FIG4: variants seen among roughly 807,000 people sequenced by gnomAD.
FIG4 encodes FIG4 phosphoinositide 5-phosphatase.
In FIG4, 112 loss-of-function variants were observed where a neutral mutation model predicts 118.6. That is an observed-to-expected ratio of 0.94 (90% CI 0.81 to 1.11). The LOEUF is 1.11. Among genes scored for constraint, FIG4 ranks in the 50% least tolerant of loss-of-function variants. The pLI is 0.00. For synonymous variants in FIG4, 369 were observed against 381.2 expected, an observed-to-expected ratio of 0.97 and a Z score of 0.37; for missense variants, 969 against 1,111.7, an observed-to-expected ratio of 0.87 and a Z score of 1.83.
chr6:109,824,741 A>C (rs982251606), intron 22 of FIG4, among the ~76,000 whole-genome samples: 1 of 152,208 alleles, frequency 6.6e-6, no homozygotes, highest in Non-Finnish European at 1.5e-5. Context: ...TGTGCCAAGG[A>C]AAAAGAGCAA....
intron 1 of FIG4, among the ~76,000 whole-genome samples, chr6:109,703,414 C>G (rs976122262): frequency 2.0e-5 from 3 of 152,112 alleles, no homozygotes; most frequent in African/African-American, 7.2e-5. Flanking sequence ...TTTGGAGGTT[C>G]TATTGTGTAA....
chr6:109,786,259 TATA>T, intron 17 of FIG4, 40 bp from the exon 18 acceptor site: 1 of 1,563,978 alleles, frequency 6.4e-7, no homozygotes, highest in Non-Finnish European at 8.8e-7. Context: ...GTTTGCTTGC[TATA>T]ATCTCAGACT....
chr6:109,812,979 T>C (rs751630812), intron 22 of FIG4, among the ~76,000 whole-genome samples: 3 of 152,236 alleles, frequency 2.0e-5, no homozygotes. Context: ...AGAATTTCAT[T>C]ATCTTTGGTG....
chr6:109,803,758 G>T (rs1177822637), intron 22 of FIG4, among the ~76,000 whole-genome samples: 1 of 147,152 alleles, frequency 6.8e-6, no homozygotes, highest in Non-Finnish European at 1.5e-5. Context: ...CCTAATGCTA[G>T]CCTTCCCCCC....
intron 1 of FIG4, among the ~76,000 whole-genome samples, chr6:109,692,669 A>G (rs1471637273): frequency 1.3e-5 from 2 of 152,174 alleles, no homozygotes; most frequent in Non-Finnish European, 2.9e-5. Context: ...TATGCTGCTA[A>G]ATTTCCCTCA....
At chr6:109,764,896 T>C in intron 13 of FIG4, 117 bp from the exon 14 acceptor site, 2 of 692,350 alleles carry the variant, frequency 2.9e-6, no homozygotes, top group South Asian at 3.3e-5. Context: ...CCACAGACTT[T>C]TTTTGTTTTT....
chr6:109,744,598 C>A (rs1776425364), intron 10 of FIG4, among the ~76,000 whole-genome samples: 1 of 151,578 alleles, frequency 6.6e-6, no homozygotes, highest in Non-Finnish European at 1.5e-5. Flanking sequence ...ACCAAGGAAG[C>A]CTGTGACCCT....
At chr6:109,716,631 C>T (rs1298620157) in intron 3 of FIG4, 63 bp downstream of exon 3, 1 of 1,582,874 alleles carries the variant, frequency 6.3e-7, no homozygotes. Context: ...TCTACATAGA[C>T]TACTTAAAGG....
intron 22 of FIG4, among the ~76,000 whole-genome samples, chr6:109,808,350 C>CAAAA (rs55948419): frequency 5.1e-3 from 340 of 66,818 alleles, no homozygotes; most frequent in Middle Eastern, 0.024. Flanking sequence ...ACACTCACAG[C>CAAAA]AAAAAAAAAA....
At chr6:109,739,426 T>G (rs1176753111) in intron 7 of FIG4, among the ~76,000 whole-genome samples, 4 of 152,176 alleles carry the variant, frequency 2.6e-5, no homozygotes, top group African/African-American at 9.6e-5. Context: ...TGTTTTCTAG[T>G]ATGTTAGACT....
intron 15 of FIG4, among the ~76,000 whole-genome samples, chr6:109,768,150 G>A (rs531909455): frequency 1.3e-5 from 2 of 152,298 alleles, no homozygotes; most frequent in African/African-American, 2.4e-5. Flanking sequence ...TGTGGGCCTC[G>A]TGGAGGAGGG....
At chr6:109,808,810 C>T (rs969052903) in intron 22 of FIG4, among the ~76,000 whole-genome samples, 4 of 152,004 alleles carry the variant, frequency 2.6e-5, no homozygotes, top group African/African-American at 7.2e-5. Context: ...AATTTTTGAA[C>T]ACGTATATCT....
chr6:109,745,722 T>C (rs969036123), intron 10 of FIG4, among the ~76,000 whole-genome samples: 2 of 152,234 alleles, frequency 1.3e-5, no homozygotes, highest in Non-Finnish European at 2.9e-5. Context: ...ACCATGCCTA[T>C]GTCCTGAATG....
Position 109,784,981 on chromosome 6 carries a change from G to T in FIG4, c.1901G>T (p.Trp634Leu). 6.5e-7 allele frequency: 1 copy of T among 1,540,248 alleles called. No individual in the cohort carries two copies. Reference protein sequence around the residue: ...LLPTRRSYTYWWTPEVIKHLP... With the variant: ...LLPTRRSYTYLWTPEVIKHLP... ...TTTTTATTTTATAGTTATACTTACT[G>T]GTGGACACCAGAGGTGATAAAGCAT... Residue 634 changes from tryptophan (W) to leucine (L), a missense_variant, in exon 17 of 23, where the codon TGG becomes TTG. Trp to Leu is a moderately conservative substitution (Grantham distance 61). This residue lies in a region of FIG4 where 330 missense variants were observed against 348.1 expected (regional missense o/e 0.95). Coordinates refer to ENST00000230124, the MANE Select transcript of FIG4 (RefSeq NM_014845.6).
chr6:109,755,726 C>A (rs1040549877), intron 10 of FIG4, among the ~76,000 whole-genome samples: 2 of 152,030 alleles, frequency 1.3e-5, no homozygotes, highest in Non-Finnish European at 2.9e-5. Flanking sequence ...TTGTTGGTTT[C>A]AAATCTGTTT....
intron 21 of FIG4, among the ~76,000 whole-genome samples, chr6:109,794,963 G>GA (rs1778235393): frequency 6.6e-6 from 1 of 151,982 alleles, no homozygotes; most frequent in Admixed American, 6.6e-5. Flanking sequence ...CGGTTTTGTA[G>GA]TTTTTTTCTA....
intron 4 of FIG4, among the ~76,000 whole-genome samples, chr6:109,731,400 A>G (rs915116261): frequency 1.3e-5 from 2 of 152,210 alleles, no homozygotes; most frequent in Non-Finnish European, 2.9e-5. Flanking sequence ...TGCTCTTGGC[A>G]GCATTGTATC....
intron 1 of FIG4, chr6:109,701,808 A>AT (rs1369648125): frequency 2.2e-6 from 1 of 464,338 alleles, no homozygotes; most frequent in Admixed American, 2.4e-5. Context: ...TTGACTAAGG[A>AT]TTGGAAAAGG....
chr6:109,760,983 T>C (rs1414673696), intron 11 of FIG4, among the ~76,000 whole-genome samples: 1 of 152,208 alleles, frequency 6.6e-6, no homozygotes, highest in Admixed American at 6.5e-5. Flanking sequence ...TCTAAGGAAC[T>C]TACTTTTGTT....
Sources: gnomAD v4.1 joint callset for allele counts (sites outside exome capture counted in the v4.1 genomes callset) on GRCh38, gnomAD v4.1.1 for gene constraint, gnomAD v4.1.1 regional missense constraint, MANE v1.5 for transcripts, NCBI Gene and HGNC (gene_info 2026-07-23, HGNC 2026-07-21) for gene names.